The following PRKCQ variants were observed in gnomAD, a reference collection of about 807,000 sequenced individuals.
PRKCQ encodes the protein protein kinase C theta type.
PRKCQ carries 41 observed loss-of-function variants against 91.2 expected under a neutral mutation model. The observed-to-expected ratio is 0.45, with a 90% CI of 0.35 to 0.58. PRKCQ has a LOEUF of 0.58. Ranked by LOEUF, PRKCQ falls within the 20% of genes least tolerant of loss-of-function variation. The pLI, the probability that PRKCQ is intolerant of heterozygous loss-of-function variation, is 0.00. For synonymous variants in PRKCQ, 307 were observed against 316.9 expected (o/e 0.97, Z 0.33); for missense variants, 673 against 896.5 (o/e 0.75, Z 3.18).
intron 1 of PRKCQ, among the ~76,000 whole-genome samples, chr10:6,577,250 C>G (rs1003286929): frequency 6.6e-6 from 1 of 152,076 alleles, no homozygotes; most frequent in African/African-American, 2.4e-5. Flanking sequence ...GATGACAGAG[C>G]AATCAGAATT....
chr10:6,524,529 C>T (rs2130887102), intron 1 of PRKCQ, among the ~76,000 whole-genome samples: 1 of 152,332 alleles, frequency 6.6e-6, no homozygotes, highest in East Asian at 1.9e-4. Flanking sequence ...ACCTACTTTT[C>T]ACTTTCATTT....
intron 12 of PRKCQ, among the ~76,000 whole-genome samples, chr10:6,466,086 CTTT>C (rs1182301130): frequency 6.6e-6 from 1 of 152,254 alleles, no homozygotes; most frequent in Non-Finnish European, 1.5e-5. Flanking sequence ...GTGGAATCTT[CTTT>C]TAAGTAGTCA....
intron 1 of PRKCQ, among the ~76,000 whole-genome samples, chr10:6,519,594 A>G (rs1177635884): frequency 2.0e-5 from 3 of 152,154 alleles, no homozygotes; most frequent in Non-Finnish European, 2.9e-5. Flanking sequence ...GCTTCCAGGC[A>G]TTCTTTCCCG....
chr10:6,485,934 C>T (rs4748095), intron 9 of PRKCQ, 101 bp downstream of exon 9: 9 of 1,015,580 alleles, frequency 8.9e-6, no homozygotes, highest in South Asian at 6.9e-5. Flanking sequence ...AAATACATCC[C>T]GGCATTTCCC....
chr10:6,455,791 G>C (rs370509636), intron 15 of PRKCQ, among the ~76,000 whole-genome samples: 258 of 152,316 alleles, frequency 1.7e-3, no homozygotes, highest in African/African-American at 6.0e-3. Context: ...TGACCACTGG[G>C]GGAAACTGGA....
intron 1 of PRKCQ, among the ~76,000 whole-genome samples, chr10:6,556,920 T>A (rs1840443648): frequency 1.3e-5 from 2 of 152,162 alleles, no homozygotes; most frequent in Admixed American, 6.5e-5. Flanking sequence ...TGGCTCAACT[T>A]CCTTCGCTCT....
intron 4 of PRKCQ, among the ~76,000 whole-genome samples, chr10:6,498,763 A>G (rs1251612087): frequency 6.6e-6 from 1 of 152,196 alleles, no homozygotes; most frequent in Non-Finnish European, 1.5e-5. Flanking sequence ...ATCATAGGGC[A>G]TATTGTTAGA....
At chr10:6,462,009 T>C (rs1364195201) in intron 14 of PRKCQ, among the ~76,000 whole-genome samples, 4 of 151,866 alleles carry the variant, frequency 2.6e-5, no homozygotes, top group South Asian at 4.2e-4. Context: ...TAAGGTATGA[T>C]AAGAAAGAGA....
chr10:6,532,331 A>T (rs1385776208), intron 1 of PRKCQ, among the ~76,000 whole-genome samples: 1 of 152,248 alleles, frequency 6.6e-6, no homozygotes, highest in East Asian at 1.9e-4. Context: ...ATGGTTTAAA[A>T]ACAGTACTTG....
chr10:6,514,694 A>G (rs1332185943), intron 2 of PRKCQ, among the ~76,000 whole-genome samples: 1 of 152,198 alleles, frequency 6.6e-6, no homozygotes, highest in Admixed American at 6.5e-5. Flanking sequence ...ACATAGGGCT[A>G]TGTTCTACTT....
the PRKCQ span, among the ~76,000 whole-genome samples, chr10:6,419,309 T>A: frequency 6.6e-6 from 1 of 151,880 alleles, no homozygotes; most frequent in African/African-American, 2.4e-5. Flanking sequence ...AAGTAATAAA[T>A]ACACATAATT....
intron 14 of PRKCQ, among the ~76,000 whole-genome samples, chr10:6,460,875 C>T (rs1357275459): frequency 6.6e-6 from 1 of 151,242 alleles, no homozygotes; most frequent in Admixed American, 6.6e-5. Flanking sequence ...GTTCAATTTA[C>T]CCATCACCCA....
rs1554782547 is a variant in PRKCQ, at chr10:6,553,512, A to AAAAAAAT, written c.-10+26698_-10+26699insATTTTTT. ...CTCAAAAAAAAAAAAAAAAAAAAAA[A>AAAAAAAT]AAAAACAAACAAACAAAAGAAGAAG... On this transcript the variant is annotated intron_variant, in intron 1 of 17. Transcript: ENST00000263125. Among the ~76,000 whole-genome samples the AAAAAAAT allele has an allele frequency of 6.9e-4, 97 of 140,818 alleles. 3 individuals carry two copies. Among genetic ancestry groups the AAAAAAAT allele is most frequent in the South Asian group, 1.5e-3 (7 of 4,542 alleles). The allele number at this position is 140,818 out of a possible 152,430, so 92.4% of individuals were successfully genotyped here. A position where few individuals can be genotyped will look rare whatever the true frequency, so the allele number is the denominator to read the frequency against.
At position 6,465,365 on chromosome 10, in the gene PRKCQ, C is replaced by G. The variant is rs926341319; in HGVS notation, c.1354-961G>C. 6.6e-6 allele frequency among the ~76,000 whole-genome samples: 1 copy of G among 152,104 alleles called. No homozygotes were observed. Among genetic ancestry groups the G allele is most frequent in the Non-Finnish European group, 1.5e-5 (1 of 68,024 alleles). ...TGTATGTCAGTAGAGCTGGGGCCCT[C>G]GAGTGGCCACAGTCAGAAGTAGGGC... On this transcript the variant is annotated intron_variant, in intron 12 of 17. Coordinates refer to ENST00000263125, the MANE Select transcript of PRKCQ (RefSeq NM_006257.5). This position sits in a 1 kb window ranked among gnomAD's most constrained non-coding sequence, Gnocchi z 4.4.
chr10:6,425,688 A>G (rs982109735), downstream of PRKCQ, among the ~76,000 whole-genome samples: 18 of 152,116 alleles, frequency 1.2e-4, no homozygotes, highest in African/African-American at 3.6e-4. Flanking sequence ...AAAACAAATG[A>G]TGAGGCCTGT....
At chr10:6,520,411 C>T (rs1838956477) in intron 1 of PRKCQ, among the ~76,000 whole-genome samples, 1 of 152,190 alleles carries the variant, frequency 6.6e-6, no homozygotes, top group African/African-American at 2.4e-5. Flanking sequence ...CTCCTCTGTC[C>T]AGCCTTGGTC....
chr10:6,448,784 T>C (rs1402448855), intron 15 of PRKCQ, among the ~76,000 whole-genome samples: 1 of 152,066 alleles, frequency 6.6e-6, no homozygotes, highest in Non-Finnish European at 1.5e-5. Context: ...TTAATAAATA[T>C]AGTTCTGCAG....
rs146698841 is a variant in PRKCQ at position 6,525,120 on chromosome 10, T to C, written c.-9-9976A>G. ...ACTTTAAAATTATTGAAGTCACTTT[T>C]GAAATGACTATGGATTTATTTTAAG... On this transcript the variant is annotated intron_variant, in intron 1 of 17. Transcript: ENST00000263125. Among the ~76,000 whole-genome samples, 198 of 152,114 alleles carry C rather than the reference T, an allele frequency of 1.3e-3. 2 individuals are homozygous for C. The highest frequency in any genetic ancestry group is 4.6e-3 in the African/African-American group (192 of 41,486).
At chr10:6,463,739 T>C (rs928834779) in intron 13 of PRKCQ, among the ~76,000 whole-genome samples, 1 of 152,178 alleles carries the variant, frequency 6.6e-6, no homozygotes, top group Admixed American at 6.5e-5. Flanking sequence ...TTGCATGTCA[T>C]GGGGAGCAGG....
Sources: allele counts gnomAD v4.1 joint callset (sites outside exome capture counted in the v4.1 genomes callset), GRCh38; gene constraint gnomAD v4.1.1; non-coding constraint Gnocchi (gnomAD v3.1); transcripts MANE v1.5; gene names NCBI Gene and HGNC (gene_info 2026-07-23, HGNC 2026-07-21).